E2F5: variants seen among roughly 807,000 people sequenced by gnomAD.
The protein encoded by E2F5 is E2F transcription factor 5.
E2F5 carries 23 observed loss-of-function variants against 39.1 expected under a neutral mutation model. The ratio of observed to expected loss-of-function variants is 0.59; its 90% CI spans 0.42 to 0.83. The LOEUF is 0.83. E2F5 is among the 40% of genes least tolerant of loss of function. The probability of loss-of-function intolerance (pLI) is 0.00; values close to 1 mark genes in which losing one functional copy is unlikely to be tolerated. For missense variants in E2F5, 365 were observed against 406.7 expected, an observed-to-expected ratio of 0.90 and a Z score of 0.88; for synonymous variants, 145 against 157.8, an observed-to-expected ratio of 0.92 and a Z score of 0.61.
intron 3 of E2F5, among the ~76,000 whole-genome samples, chr8:85,204,796 T>A (rs1415126207): frequency 6.6e-6 from 1 of 152,170 alleles, no homozygotes; most frequent in Non-Finnish European, 1.5e-5. Flanking sequence ...CTCCAGTCCA[T>A]ACACCCCAGG....
At chr8:85,200,316 T>A in intron 1 of E2F5, 1 of 949,366 alleles carries the variant, frequency 1.1e-6, no homozygotes, top group African/African-American at 1.8e-5. Flanking sequence ...ATATGATCTG[T>A]ACATGTTAGT....
chr8:85,186,763 T>G (rs1340784964), intron 1 of E2F5, among the ~76,000 whole-genome samples: 1 of 147,688 alleles, frequency 6.8e-6, no homozygotes, highest in Non-Finnish European at 1.5e-5. Flanking sequence ...ATATATAAGG[T>G]GTATATATAC....
chr8:85,177,734 C>G (rs1313489932), intron 1 of E2F5, 80 bp downstream of exon 1: 1 of 1,164,632 alleles, frequency 8.6e-7, no homozygotes, highest in Non-Finnish European at 1.1e-6. Context: ...CCGCGTGGGT[C>G]TAGCGGCGTG....
intron 3 of E2F5, 141 bp from the exon 4 acceptor site, chr8:85,206,036 G>C: frequency 2.8e-6 from 2 of 726,194 alleles, no homozygotes; most frequent in Non-Finnish European, 4.6e-6. Context: ...TTCTAGACTA[G>C]ACTTCTTTTT....
At chr8:85,189,615 C>T (rs1003913789) in intron 1 of E2F5, among the ~76,000 whole-genome samples, 7 of 152,114 alleles carry the variant, frequency 4.6e-5, no homozygotes, top group African/African-American at 1.4e-4. Flanking sequence ...GTGATCCACC[C>T]GCCTCAGTCT....
intron 1 of E2F5, among the ~76,000 whole-genome samples, chr8:85,200,130 C>T (rs1465141163): frequency 6.6e-6 from 1 of 151,984 alleles, no homozygotes; most frequent in East Asian, 1.9e-4. Context: ...ACCTGTAGTC[C>T]CAGCTACTTG....
chr8:85,197,611 T>G (rs1280903060), intron 1 of E2F5, among the ~76,000 whole-genome samples: 1 of 152,236 alleles, frequency 6.6e-6, no homozygotes, highest in Non-Finnish European at 1.5e-5. Context: ...GGAAGGGAGA[T>G]CTAATTCTTT....
chr8:85,204,534 G>T (rs1429540071), intron 3 of E2F5, among the ~76,000 whole-genome samples: 7 of 120,520 alleles, frequency 5.8e-5, no homozygotes, highest in Non-Finnish European at 1.2e-4. Context: ...ACACACCAGG[G>T]ACTGTTGTGG....
intron 1 of E2F5, among the ~76,000 whole-genome samples, chr8:85,195,375 T>C (rs1395601539): frequency 6.6e-6 from 1 of 152,096 alleles, no homozygotes; most frequent in Non-Finnish European, 1.5e-5. Context: ...AGAGCAAGAC[T>C]CTGTCTCAAA....
chr8:85,180,788 C>T (rs1359115759), intron 1 of E2F5, among the ~76,000 whole-genome samples: 1 of 151,248 alleles, frequency 6.6e-6, no homozygotes, highest in Non-Finnish European at 1.5e-5. Context: ...ACCATGTTAG[C>T]CAGGATGGTC....
At chr8:85,206,740 T>C (rs1351691997) in intron 4 of E2F5, among the ~76,000 whole-genome samples, 1 of 152,180 alleles carries the variant, frequency 6.6e-6, no homozygotes, top group African/African-American at 2.4e-5. Flanking sequence ...ATAATTATAA[T>C]TATTAATATA....
intron 1 of E2F5, among the ~76,000 whole-genome samples, chr8:85,185,677 C>G (rs915013041): frequency 3.3e-5 from 5 of 152,082 alleles, no homozygotes; most frequent in Non-Finnish European, 5.9e-5. Flanking sequence ...TAAAAAACAA[C>G]CCCATCAAAA....
rs376907630 is a variant in E2F5, at chr8:85,214,518, A to G, written c.*656A>G. On this transcript the variant is annotated 3_prime_UTR_variant, in exon 8 of 8. Transcript: ENST00000416274. The stretch of plus-strand genomic sequence containing the variant: ...AAAATAAAATTGTATAAAACATTCA[A>G]TTTATTGGTCTTTGTGGAGAATTAG... The G allele has an allele frequency of 3.1e-6, 4 of 1,282,338 alleles. No homozygotes were observed. The highest frequency in any genetic ancestry group is 4.5e-6 in the Non-Finnish European group (4 of 890,128). 79.4% of individuals were successfully genotyped at this position (1,282,338 alleles called of 1,614,324 possible).
rs58188216 is a variant in E2F5, at chr8:85,180,511, C to CATAT, written c.234+2898_234+2901dup. ...TTTAAACGCAGTTAAAGAAACTATA[C>CATAT]ATATATATATATATATATATATATA... On this transcript the variant is annotated intron_variant, in intron 1 of 7. Coordinates refer to ENST00000416274, the MANE Select transcript of E2F5 (RefSeq NM_001951.4). Among the ~76,000 whole-genome samples the CATAT allele has an allele frequency of 5.9e-3, 476 of 80,524 alleles. 3 individuals carry two copies. Among genetic ancestry groups the CATAT allele is most frequent in the East Asian group, 0.012 (21 of 1,766 alleles). The allele number at this position is 80,524 out of a possible 152,430, so 52.8% of individuals were successfully genotyped here.
chr8:85,182,262 T>C (rs1463566369), intron 1 of E2F5, among the ~76,000 whole-genome samples: 2 of 152,218 alleles, frequency 1.3e-5, no homozygotes, highest in Non-Finnish European at 2.9e-5. Flanking sequence ...GCAAAACATT[T>C]TACATGTTTT....
intron 4 of E2F5, 86 bp downstream of exon 4, chr8:85,206,306 G>A (rs1440747560): frequency 4.5e-6 from 6 of 1,335,026 alleles, no homozygotes; most frequent in Non-Finnish European, 5.3e-6. Context: ...TCCTCATCCT[G>A]TCATTATTTT....
At chr8:85,193,378 G>A (rs779193926) in intron 1 of E2F5, among the ~76,000 whole-genome samples, 1 of 152,098 alleles carries the variant, frequency 6.6e-6, no homozygotes, top group Admixed American at 6.5e-5. Flanking sequence ...AGCTACTTGG[G>A]AGGCTTAGGC....
At chr8:85,191,203 C>A (rs964122624) in intron 1 of E2F5, among the ~76,000 whole-genome samples, 6 of 151,910 alleles carry the variant, frequency 3.9e-5, no homozygotes, top group African/African-American at 1.5e-4. Context: ...ATAAGCCAGG[C>A]ACAGAAAGAC....
At chr8:85,207,609 T>TA in intron 5 of E2F5, 120 bp downstream of exon 5, 1 of 683,550 alleles carries the variant, frequency 1.5e-6, no homozygotes, top group Non-Finnish European at 2.3e-6. Context: ...GTCAAGTTTT[T>TA]ATCTAAAAGT....
Sources: allele counts gnomAD v4.1 joint callset (sites outside exome capture counted in the v4.1 genomes callset), GRCh38; gene constraint gnomAD v4.1.1; transcripts MANE v1.5; gene names NCBI Gene and HGNC (gene_info 2026-07-23, HGNC 2026-07-21).